The following SLC16A9 variants were observed in gnomAD, a reference collection of about 807,000 sequenced individuals.
SLC16A9 encodes the protein monocarboxylate transporter 9.
In SLC16A9, 26 loss-of-function variants were observed where a neutral mutation model predicts 44.3. That is an observed-to-expected ratio of 0.59 (90% CI 0.43 to 0.81). The LOEUF (loss-of-function observed/expected upper bound fraction) is 0.81, where lower values mean the gene tolerates loss of function less well. Ranked by LOEUF, SLC16A9 falls within the 40% of genes least tolerant of loss-of-function variation. The probability of loss-of-function intolerance (pLI) is 0.00; values close to 1 mark genes in which losing one functional copy is unlikely to be tolerated. For synonymous variants in SLC16A9, 230 were observed against 225.1 expected (o/e 1.02, Z -0.19); for missense variants, 559 against 595.8 (o/e 0.94, Z 0.64).
rs1426559419 is a variant in SLC16A9, at chr10:59,678,540, C to CT, written c.196+5555dup. ...CTACCAATCTTTTTTTTTTCTTTTT[C>CT]TTTTTCTTTTTTTTGAGACGGAGTC... On this transcript the variant is annotated intron_variant, in intron 2 of 5. Coordinates refer to ENST00000395348, the MANE Select transcript of SLC16A9 (RefSeq NM_194298.3). Among the ~76,000 whole-genome samples, 33 of 22,338 alleles carry CT rather than the reference C, an allele frequency of 1.5e-3. 3 individuals are homozygous for CT. Among genetic ancestry groups the CT allele is most frequent in the Admixed American group, 4.6e-3 (9 of 1,974 alleles). 14.7% of individuals were successfully genotyped at this position (22,338 alleles called of 152,430 possible).
chr10:59,652,469 A>G lies in SLC16A9; in HGVS notation c.*303T>C, dbSNP rs931541246. ...GCAGAGAAATTATACTTCTTTACACAGAGAAAGCCTTCTGAGGCTGGTCAA... is the reference window on the plus strand; with the variant it reads ...GCAGAGAAATTATACTTCTTTACACGGAGAAAGCCTTCTGAGGCTGGTCAA... On this transcript the variant is annotated 3_prime_UTR_variant, in exon 6 of 6. Coordinates refer to ENST00000395348, the MANE Select transcript of SLC16A9 (RefSeq NM_194298.3). 9 of 210,190 alleles carry G rather than the reference A, an allele frequency of 4.3e-5. No homozygotes were observed. The highest frequency in any genetic ancestry group is 9.4e-6 in the Non-Finnish European group (1 of 106,858). 13.0% of individuals were successfully genotyped at this position (210,190 alleles called of 1,614,324 possible). A position where few individuals can be genotyped will look rare whatever the true frequency, so the allele number is the denominator to read the frequency against.
rs562805430 is a variant in SLC16A9, at chr10:59,653,425, C to CAAAAAAAAAAAA, written c.1351+238_1351+249dup. On this transcript the variant is annotated intron_variant, in intron 5 of 5. Transcript: ENST00000395348. ...TGGGCGACAGTGCAAAACTCCGTCT[C>CAAAAAAAAAAAA]AAAAAAAAAAAAAAAAAAAAGCAGG... Among the ~76,000 whole-genome samples the CAAAAAAAAAAAA allele has an allele frequency of 7.0e-3, 258 of 36,722 alleles. 52 individuals carry two copies. Among genetic ancestry groups the CAAAAAAAAAAAA allele is most frequent in the Non-Finnish European group, 8.1e-3 (122 of 14,996 alleles). The allele number at this position is 36,722 out of a possible 152,430, so 24.1% of individuals were successfully genotyped here.
rs1390800027 is a variant in SLC16A9, at chr10:59,681,715, TATATG to T, written c.196+2376_196+2380del. ...GTATATATATATGTATATGTATATG[TATATG>T]ATGTATATGTATATGTATATGATGT... On this transcript the variant is annotated intron_variant, in intron 2 of 5. Coordinates refer to ENST00000395348, the MANE Select transcript of SLC16A9 (RefSeq NM_194298.3). 9.3e-4 allele frequency among the ~76,000 whole-genome samples: 13 copies of T among 13,920 alleles called. 5 individuals are homozygous for T. The highest frequency in any genetic ancestry group is 1.9e-3 in the African/African-American group (12 of 6,192). The allele number at this position is 13,920 out of a possible 152,430, so 9.1% of individuals were successfully genotyped here.
At chr10:59,696,970 A>G (rs1171632) in intron 1 of SLC16A9, among the ~76,000 whole-genome samples, 22,867 of 105,778 alleles carry the variant, frequency 0.22, 2,504 homozygotes, top group East Asian at 0.55. Context: ...CGCCCCGTCC[A>G]GAAGGGAGGT....
chr10:59,671,611 C>A (rs916253131), intron 3 of SLC16A9, among the ~76,000 whole-genome samples: 2 of 152,024 alleles, frequency 1.3e-5, no homozygotes, highest in African/African-American at 4.8e-5. Context: ...GTTCTTTGGT[C>A]CCTTGGACAA....
At position 59,695,165 on chromosome 10, in the gene SLC16A9, G is replaced by A. The variant is rs1271093926; in HGVS notation, c.-36-10838C>T. Among the ~76,000 whole-genome samples the A allele has an allele frequency of 2.0e-5, 3 of 152,002 alleles. No individual in the cohort carries two copies. In the East Asian group the frequency reaches 5.8e-4, roughly 29 times the overall value. ...CTAGGGCTGGGAGGTTTTGGGGTAG[G>A]GAGAAATGGGGAGTGACTGCTAATG... On this transcript the variant is annotated intron_variant, in intron 1 of 5. Transcript: ENST00000395348.
chr10:59,687,101 C>T (rs1840151684), intron 1 of SLC16A9, among the ~76,000 whole-genome samples: 1 of 152,184 alleles, frequency 6.6e-6, no homozygotes, highest in South Asian at 2.1e-4. Context: ...GACGGGGTTT[C>T]ACCATGTTGG....
intron 3 of SLC16A9, among the ~76,000 whole-genome samples, chr10:59,671,377 C>T (rs1839746141): frequency 6.6e-6 from 1 of 152,178 alleles, no homozygotes; most frequent in South Asian, 2.1e-4. Context: ...CCAGAGAGAA[C>T]TATGCCATCT....
At chr10:59,658,938 A>G (rs1043220555) in intron 4 of SLC16A9, among the ~76,000 whole-genome samples, 1 of 152,216 alleles carries the variant, frequency 6.6e-6, no homozygotes, top group Non-Finnish European at 1.5e-5. Flanking sequence ...GACGTTCTTC[A>G]GGCTATCTAA....
At chr10:59,689,734 G>A (rs923369367) in intron 1 of SLC16A9, among the ~76,000 whole-genome samples, 8 of 152,164 alleles carry the variant, frequency 5.3e-5, no homozygotes, top group Non-Finnish European at 8.8e-5. Context: ...AATATATTGT[G>A]AGTATGCAGT....
chr10:59,679,780 C>G (rs1269535856), intron 2 of SLC16A9, among the ~76,000 whole-genome samples: 1 of 152,182 alleles, frequency 6.6e-6, no homozygotes, highest in Non-Finnish European at 1.5e-5. Context: ...CAAATTTACT[C>G]CATGAGAACA....
In SLC16A9 at chr10:59,672,913, C is replaced by T. The variant is rs753658419; in HGVS notation, c.197G>A (p.Ser66Asn). 5.8e-5 allele frequency: 92 copies of T among 1,596,046 alleles called. No homozygotes were observed. The highest frequency in any genetic ancestry group is 7.4e-5 in the Non-Finnish European group (87 of 1,174,870). ...TGAGACACAGAGACTGCAGACAGGA[C>T]CTAAAAAAAGAAATGAAACCTTCAC... ...SLASGVGLLA[S>N]PVCSLCVSSF... Residue 66 changes from serine (S) to asparagine (N), a missense_variant and splice_region_variant, in exon 3 of 6, where the codon AGT (serine) becomes AAT (asparagine). By Grantham distance (46) the Ser-to-Asn change is conservative (BLOSUM62 1). Transcript: ENST00000395348.
intron 1 of SLC16A9, among the ~76,000 whole-genome samples, chr10:59,693,999 G>T (rs1056556001): frequency 6.6e-6 from 1 of 151,022 alleles, no homozygotes; most frequent in South Asian, 2.1e-4. Flanking sequence ...GTGCAGTGGC[G>T]CTATCTCGGC....
At chr10:59,703,166 T>C (rs1161150183) in intron 1 of SLC16A9, among the ~76,000 whole-genome samples, 2 of 152,222 alleles carry the variant, frequency 1.3e-5, no homozygotes, top group Non-Finnish European at 2.9e-5. Context: ...GTTGCCAGGC[T>C]GGGGTGCAGT....
intron 4 of SLC16A9, among the ~76,000 whole-genome samples, chr10:59,655,204 C>T (rs535834228): frequency 6.6e-4 from 100 of 152,230 alleles, no homozygotes; most frequent in Non-Finnish European, 1.1e-3. Context: ...GCAGAAGAGT[C>T]GCTTGAACCC....
intron 1 of SLC16A9, among the ~76,000 whole-genome samples, chr10:59,700,774 A>C (rs1452319485): frequency 6.6e-6 from 1 of 152,102 alleles, no homozygotes; most frequent in African/African-American, 2.4e-5. Flanking sequence ...GCACCTAGAC[A>C]ATAAAAAGTG....
intron 4 of SLC16A9, among the ~76,000 whole-genome samples, chr10:59,660,520 ACC>A (rs1350077040): frequency 6.6e-6 from 1 of 152,146 alleles, no homozygotes; most frequent in Non-Finnish European, 1.5e-5. Flanking sequence ...TAGCCTACCA[ACC>A]CAAAAAAATG....
At chr10:59,698,740 T>C (rs1449956774) in intron 1 of SLC16A9, among the ~76,000 whole-genome samples, 3 of 151,748 alleles carry the variant, frequency 2.0e-5, no homozygotes, top group Admixed American at 2.0e-4. Context: ...CTCTTTTTTT[T>C]TTTTTCTTTT....
At chr10:59,660,606 C>T (rs2132415064) in intron 4 of SLC16A9, among the ~76,000 whole-genome samples, 1 of 152,286 alleles carries the variant, frequency 6.6e-6, no homozygotes, top group South Asian at 2.1e-4. Flanking sequence ...CCTTCTAAAA[C>T]TATTCCAAAC....
Sources: allele counts gnomAD v4.1 joint callset (sites outside exome capture counted in the v4.1 genomes callset), GRCh38; gene constraint gnomAD v4.1.1; transcripts MANE v1.5; gene names NCBI Gene and HGNC (gene_info 2026-07-23, HGNC 2026-07-21).